HORMAD2: variants seen among roughly 807,000 people sequenced by gnomAD.
HORMAD2 encodes HORMA domain-containing protein 2.
Under a neutral mutation model 38.8 loss-of-function variants are expected in HORMAD2, and 45 were observed. The observed-to-expected ratio is 1.16, with a 90% CI of 0.91 to 1.49. The LOEUF (loss-of-function observed/expected upper bound fraction) is 1.49. Among genes scored for constraint, HORMAD2 ranks in the 40% most tolerant of loss-of-function variants. HORMAD2 has a pLI of 0.00. For missense variants in HORMAD2, 338 were observed against 367.0 expected, an observed-to-expected ratio of 0.92 and a Z score of 0.65; for synonymous variants, 126 against 122.8, an observed-to-expected ratio of 1.03 and a Z score of -0.17.
chr22:30,131,043 T>A (rs1054713606), intron 10 of HORMAD2, among the ~76,000 whole-genome samples: 1 of 152,112 alleles, frequency 6.6e-6, no homozygotes, highest in Non-Finnish European at 1.5e-5. Flanking sequence ...ACATACACAC[T>A]GAAGACAACT....
intron 10 of HORMAD2, among the ~76,000 whole-genome samples, chr22:30,131,631 C>T (rs1341218094): frequency 6.6e-6 from 1 of 152,066 alleles, no homozygotes; most frequent in Non-Finnish European, 1.5e-5. Context: ...AAAGTTTATT[C>T]AATAGTTTAT....
intron 1 of HORMAD2, among the ~76,000 whole-genome samples, chr22:30,084,501 T>C (rs981803226): frequency 1.3e-5 from 2 of 152,192 alleles, no homozygotes; most frequent in South Asian, 2.1e-4. Flanking sequence ...ATTCAAACCA[T>C]AGCAATGATA....
chr22:30,104,663 C>G (rs1453156425), intron 5 of HORMAD2: 2 of 387,254 alleles, frequency 5.2e-6, no homozygotes, highest in Non-Finnish European at 9.2e-6. Flanking sequence ...CATTTTTTGA[C>G]CACAGAGTTT....
chr22:30,155,412 T>G (rs1327871865), intron 10 of HORMAD2, among the ~76,000 whole-genome samples: 2 of 152,196 alleles, frequency 1.3e-5, no homozygotes, highest in Non-Finnish European at 2.9e-5. Flanking sequence ...ATGCTCATAT[T>G]CTCTAAGATG....
At chr22:30,207,171 C>T in the HORMAD2 span, 5 of 453,894 alleles carry the variant, frequency 1.1e-5, no homozygotes, top group East Asian at 7.2e-5. Flanking sequence ...AGGCTGAATC[C>T]GCAGAGAGGT....
intron 5 of HORMAD2, among the ~76,000 whole-genome samples, chr22:30,106,866 A>G (rs1240766835): frequency 6.6e-6 from 1 of 152,258 alleles, no homozygotes; most frequent in East Asian, 1.9e-4. Flanking sequence ...TTTAGCTTGC[A>G]TCAGAATCAC....
downstream of HORMAD2, among the ~76,000 whole-genome samples, chr22:30,180,873 C>CTTCCCTTTCCCT (rs139156438): frequency 0.031 from 3,824 of 122,416 alleles, 499 homozygotes; most frequent in South Asian, 0.11. Context: ...CCCTTCTTCC[C>CTTCCCTTTCCCT]TTCCCTTTCC....
chr22:30,146,672 C>T (rs1270054841), intron 10 of HORMAD2, among the ~76,000 whole-genome samples: 1 of 152,076 alleles, frequency 6.6e-6, no homozygotes, highest in Non-Finnish European at 1.5e-5. Context: ...TTATAGTCAA[C>T]ATCATACTAG....
chr22:30,104,478 T>C, intron 5 of HORMAD2, 41 bp downstream of exon 5: 1 of 1,485,470 alleles, frequency 6.7e-7, no homozygotes, highest in Non-Finnish European at 9.3e-7. Flanking sequence ...CAAAGGCTTG[T>C]CTTTTATTCT....
At chr22:30,119,118 G>C in intron 8 of HORMAD2, 71 bp downstream of exon 8, 2 of 1,022,418 alleles carry the variant, frequency 2.0e-6, no homozygotes, top group Non-Finnish European at 2.9e-6. Context: ...CTTGAGGCCA[G>C]AGAAAGGCCT....
intron 8 of HORMAD2, 82 bp from the exon 9 acceptor site, chr22:30,121,550 A>C: frequency 9.3e-7 from 1 of 1,074,110 alleles, no homozygotes; most frequent in South Asian, 2.3e-5. Context: ...ATATTTACTC[A>C]CATAGTCAAA....
chr22:30,111,901 C>A, intron 6 of HORMAD2, 85 bp downstream of exon 6: 1 of 997,526 alleles, frequency 1.0e-6, no homozygotes, highest in Non-Finnish European at 1.5e-6. Flanking sequence ...AGTACTCTCC[C>A]TCTTCCTCCC....
chr22:30,193,281 G>A, the HORMAD2 span, among the ~76,000 whole-genome samples: 1 of 152,156 alleles, frequency 6.6e-6, no homozygotes, highest in East Asian at 1.9e-4. Flanking sequence ...ATGTCACTAT[G>A]TTCTTTAATT....
At chr22:30,090,358 G>A (rs577888191) in intron 1 of HORMAD2, among the ~76,000 whole-genome samples, 132 of 152,228 alleles carry the variant, frequency 8.7e-4, no homozygotes, top group Non-Finnish European at 1.3e-3. Flanking sequence ...AGGAGACCCC[G>A]TCTCAAAAAC....
At chr22:30,107,259 G>C (rs1921269353) in intron 5 of HORMAD2, among the ~76,000 whole-genome samples, 1 of 152,174 alleles carries the variant, frequency 6.6e-6, no homozygotes, top group South Asian at 2.1e-4. Flanking sequence ...TATCTAGCTA[G>C]TTTGATAAAT....
intron 10 of HORMAD2, among the ~76,000 whole-genome samples, chr22:30,173,325 G>A (rs2123743228): frequency 6.6e-6 from 1 of 152,360 alleles, no homozygotes; most frequent in Middle Eastern, 3.4e-3. Flanking sequence ...ATGGATTGGA[G>A]AGGCAGTCAT....
rs1468391766 is a variant in HORMAD2 at position 30,080,508 on chromosome 22, C to T, written c.-38+17C>T. The T allele has an allele frequency of 6.6e-6, 1 of 152,348 alleles. No individual in the cohort carries two copies. Among genetic ancestry groups the T allele is most frequent in the Middle Eastern group, 3.2e-3 (1 of 316 alleles). 9.4% of individuals were successfully genotyped at this position (152,348 alleles called of 1,614,324 possible). On this transcript the variant is annotated intron_variant, in intron 1 of 10. Transcript: ENST00000336726. ...CGAGCTGAGGTGAGGGCTGTTGAGA[C>T]GCGAGGTCTCGGCCCAGAGAGGGCA... is the stretch of plus-strand genomic sequence containing the variant.
At chr22:30,081,807 G>A (rs753964702) in intron 1 of HORMAD2, among the ~76,000 whole-genome samples, 3 of 151,788 alleles carry the variant, frequency 2.0e-5, no homozygotes, top group African/African-American at 4.8e-5. Flanking sequence ...GGATAGTCTC[G>A]ATCTCTTGAC....
intron 1 of HORMAD2, among the ~76,000 whole-genome samples, chr22:30,092,015 T>C (rs1460701841): frequency 6.6e-6 from 1 of 151,560 alleles, no homozygotes; most frequent in Non-Finnish European, 1.5e-5. Context: ...AAGCTGGGAC[T>C]ACAGGTGCAT....
Sources: allele counts gnomAD v4.1 joint callset (sites outside exome capture counted in the v4.1 genomes callset), GRCh38; gene constraint gnomAD v4.1.1; transcripts MANE v1.5; gene names NCBI Gene and HGNC (gene_info 2026-07-23, HGNC 2026-07-21).